The following BAIAP2L1 variants were observed in gnomAD, a reference collection of about 807,000 sequenced individuals.
The protein encoded by BAIAP2L1 is BAR/IMD domain-containing adapter protein 2-like 1.
In BAIAP2L1, 35 loss-of-function variants were observed where a neutral mutation model predicts 66.3. The observed-to-expected ratio is 0.53, with a 90% CI of 0.40 to 0.70. BAIAP2L1 has a LOEUF of 0.70. BAIAP2L1 is among the 30% of genes least tolerant of loss of function. BAIAP2L1 has a pLI of 0.00. For missense variants in BAIAP2L1, 622 were observed against 656.9 expected, an observed-to-expected ratio of 0.95 and a Z score of 0.58; for synonymous variants, 269 against 248.7, an observed-to-expected ratio of 1.08 and a Z score of -0.77.
At chr7:98,348,817 C>T (rs543279285) in intron 3 of BAIAP2L1, among the ~76,000 whole-genome samples, 27 of 152,304 alleles carry the variant, frequency 1.8e-4, no homozygotes, top group African/African-American at 6.0e-4. Flanking sequence ...AGTAAATAAC[C>T]CACTGCCGAA....
rs183726798 is a variant in BAIAP2L1 at position 98,305,841 on chromosome 7, A to G, written c.1241+598T>C. On this transcript the variant is annotated intron_variant, in intron 11 of 13. Transcript: ENST00000005260. ...AGGCAATAACTACTGTTAGTATCTG[A>G]TCTGGAATACGGATTTGGGGGTTTT... 7.6e-3 allele frequency among the ~76,000 whole-genome samples: 1,160 copies of G among 152,296 alleles called. 18 individuals carry two copies. The highest frequency in any genetic ancestry group is 9.1e-3 in the Non-Finnish European group (621 of 68,046).
chr7:98,393,078 C>CATATATATGT (rs1562795839), intron 1 of BAIAP2L1, among the ~76,000 whole-genome samples: 4 of 128,394 alleles, frequency 3.1e-5, no homozygotes, highest in African/African-American at 1.3e-4. Context: ...TATGTATACA[C>CATATATATGT]ACACATATAT....
chr7:98,331,335 A>C (rs1801490033), intron 3 of BAIAP2L1, among the ~76,000 whole-genome samples: 1 of 152,162 alleles, frequency 6.6e-6, no homozygotes, highest in Admixed American at 6.5e-5. Flanking sequence ...TAATATGAGA[A>C]TCTTCCAAAG....
chr7:98,371,797 C>CTT (rs201576582), intron 1 of BAIAP2L1, among the ~76,000 whole-genome samples: 17 of 140,208 alleles, frequency 1.2e-4, no homozygotes, highest in Non-Finnish European at 2.3e-4. Flanking sequence ...CTTTTAGTTT[C>CTT]TTTTTTTTTT....
At chr7:98,329,292 C>G (rs544503754) in intron 3 of BAIAP2L1, among the ~76,000 whole-genome samples, 1 of 152,332 alleles carries the variant, frequency 6.6e-6, no homozygotes, top group African/African-American at 2.4e-5. Context: ...GACGGACAGG[C>G]TGACGCAGAG....
At chr7:98,294,157 T>C (rs769545835) in intron 12 of BAIAP2L1, 46 bp from the exon 13 acceptor site, 3 of 1,597,218 alleles carry the variant, frequency 1.9e-6, no homozygotes, top group Non-Finnish European at 2.6e-6. Context: ...GAATTGGTCT[T>C]TTAAAAATTA....
intron 1 of BAIAP2L1, among the ~76,000 whole-genome samples, chr7:98,367,852 G>C (rs62478201): frequency 0.25 from 37,915 of 151,584 alleles, 5,007 homozygotes; most frequent in East Asian, 0.45. Flanking sequence ...TTGAACTCCC[G>C]ACCTCAGATG....
intron 1 of BAIAP2L1, among the ~76,000 whole-genome samples, chr7:98,398,203 A>G (rs546967524): frequency 6.6e-6 from 1 of 152,142 alleles, no homozygotes; most frequent in South Asian, 2.1e-4. Context: ...GTTAGGTAAT[A>G]TAGAGGACAT....
chr7:98,306,741 T>A, intron 10 of BAIAP2L1: 1 of 595,994 alleles, frequency 1.7e-6, no homozygotes, highest in African/African-American at 1.9e-5. Flanking sequence ...AGGGTCTCGC[T>A]CTGTTGCCCA....
At chr7:98,396,932 A>G (rs565132664) in intron 1 of BAIAP2L1, among the ~76,000 whole-genome samples, 1 of 152,358 alleles carries the variant, frequency 6.6e-6, no homozygotes, top group Admixed American at 6.5e-5. Flanking sequence ...CACACATTAA[A>G]TGGATAAATG....
At chr7:98,381,957 G>A (rs1046405001) in intron 1 of BAIAP2L1, among the ~76,000 whole-genome samples, 2 of 140,126 alleles carry the variant, frequency 1.4e-5, no homozygotes, top group African/African-American at 2.7e-5. Flanking sequence ...ATGGAGTCTC[G>A]CTCTGTCACC....
intron 3 of BAIAP2L1, among the ~76,000 whole-genome samples, chr7:98,326,262 G>T (rs1293915421): frequency 6.6e-6 from 1 of 152,206 alleles, no homozygotes; most frequent in African/African-American, 2.4e-5. Flanking sequence ...GGGCAACAGA[G>T]CAAGGCACAG....
chr7:98,388,518 T>G (rs1310022675), intron 1 of BAIAP2L1, among the ~76,000 whole-genome samples: 1 of 146,254 alleles, frequency 6.8e-6, no homozygotes, highest in East Asian at 2.0e-4. Flanking sequence ...CAAACCCATG[T>G]TTTGCATGTT....
intron 3 of BAIAP2L1, among the ~76,000 whole-genome samples, chr7:98,343,642 C>G (rs958258673): frequency 6.6e-6 from 1 of 152,142 alleles, no homozygotes; most frequent in African/African-American, 2.4e-5. Context: ...AATCCAGACA[C>G]TTAGCTAGCT....
chr7:98,334,515 G>C (rs1584464559), intron 3 of BAIAP2L1, among the ~76,000 whole-genome samples: 1 of 152,006 alleles, frequency 6.6e-6, no homozygotes, highest in South Asian at 2.1e-4. Flanking sequence ...AGAATCTGCA[G>C]CCTGGCACAC....
intron 10 of BAIAP2L1, chr7:98,306,820 G>GC (rs1800676174): frequency 2.6e-6 from 1 of 380,532 alleles, no homozygotes; most frequent in South Asian, 2.7e-5. Flanking sequence ...CAATCCCCCT[G>GC]CCTCAGCATC....
intron 3 of BAIAP2L1, among the ~76,000 whole-genome samples, chr7:98,353,024 T>G (rs917619942): frequency 1.3e-5 from 2 of 152,030 alleles, no homozygotes; most frequent in Admixed American, 1.3e-4. Flanking sequence ...CCCCCAAATA[T>G]CCTAGGTTTT....
chr7:98,357,045 ATATATTTTT>A (rs1425626228), intron 2 of BAIAP2L1, among the ~76,000 whole-genome samples: 12 of 15,650 alleles, frequency 7.7e-4, no homozygotes, highest in Admixed American at 3.2e-3. Flanking sequence ...ATATATATAT[ATATATTTTT>A]TTTTTTTTTT....
intron 3 of BAIAP2L1, among the ~76,000 whole-genome samples, chr7:98,337,608 C>T (rs1801643576): frequency 6.6e-6 from 1 of 152,226 alleles, no homozygotes; most frequent in Non-Finnish European, 1.5e-5. Context: ...ATAACTGCTA[C>T]TCCTACAGGT....
Sources: gnomAD v4.1 joint callset for allele counts (sites outside exome capture counted in the v4.1 genomes callset) on GRCh38, gnomAD v4.1.1 for gene constraint, MANE v1.5 for transcripts, NCBI Gene and HGNC (gene_info 2026-07-23, HGNC 2026-07-21) for gene names.